The following GRIN2A variants were observed in gnomAD, a reference collection of about 807,000 sequenced individuals.
GRIN2A encodes glutamate ionotropic receptor NMDA type subunit 2A.
A neutral mutation model predicts 113.4 loss-of-function variants in GRIN2A; 22 were observed. That is an observed-to-expected ratio of 0.19 (90% confidence interval 0.14 to 0.28). The LOEUF (loss-of-function observed/expected upper bound fraction) is 0.28, where lower values mean the gene tolerates loss of function less well. Among genes scored for constraint, GRIN2A ranks in the 10% least tolerant of loss-of-function variants. GRIN2A has a pLI of 1.00. For synonymous variants in GRIN2A, 827 were observed against 738.4 expected, an observed-to-expected ratio of 1.12 and a Z score of -1.94; for missense variants, 1,502 against 1,887.0, an observed-to-expected ratio of 0.80 and a Z score of 3.78.
intron 10 of GRIN2A, among the ~76,000 whole-genome samples, chr16:9,814,738 G>C (rs1259403583): frequency 6.6e-6 from 1 of 152,118 alleles, no homozygotes; most frequent in Non-Finnish European, 1.5e-5. Flanking sequence ...GTACCTTCTT[G>C]GCCGGGTGCG....
At chr16:9,960,176 C>A (rs576341818) in intron 2 of GRIN2A, among the ~76,000 whole-genome samples, 1 of 152,208 alleles carries the variant, frequency 6.6e-6, no homozygotes, top group East Asian at 1.9e-4. Context: ...TCAACAATGT[C>A]CCATAGTAGG....
intron 2 of GRIN2A, among the ~76,000 whole-genome samples, chr16:10,130,180 T>A (rs1004545449): frequency 6.6e-6 from 1 of 152,164 alleles, no homozygotes; most frequent in Admixed American, 6.5e-5. Flanking sequence ...TGGGAAATGA[T>A]AGAGGCAGAC....
chr16:9,769,979 C>A (rs1435706975), intron 11 of GRIN2A, among the ~76,000 whole-genome samples: 1 of 152,120 alleles, frequency 6.6e-6, no homozygotes, highest in African/African-American at 2.4e-5. Flanking sequence ...CTAAACTATA[C>A]CCACCCCCCA....
intron 2 of GRIN2A, among the ~76,000 whole-genome samples, chr16:10,163,916 AT>A (rs759110926): frequency 3.2e-4 from 49 of 152,142 alleles, no homozygotes; most frequent in Admixed American, 7.2e-4. Context: ...GGTGGGAAAA[AT>A]TTTGGTTATA....
intron 4 of GRIN2A, among the ~76,000 whole-genome samples, chr16:9,861,919 G>A (rs142540339): frequency 2.6e-4 from 39 of 152,304 alleles, no homozygotes; most frequent in African/African-American, 9.4e-4. Flanking sequence ...TGCAACGATT[G>A]GAGGTGGTGG....
At chr16:10,096,934 C>T (rs557760840) in intron 2 of GRIN2A, among the ~76,000 whole-genome samples, 2 of 152,142 alleles carry the variant, frequency 1.3e-5, no homozygotes, top group Non-Finnish European at 2.9e-5. Flanking sequence ...AGACCAGATC[C>T]CTTTCCCAGG....
At chr16:9,800,743 C>T (rs983530937) in intron 10 of GRIN2A, among the ~76,000 whole-genome samples, 1 of 152,022 alleles carries the variant, frequency 6.6e-6, no homozygotes, top group African/African-American at 2.4e-5. Flanking sequence ...TCAGATCAAG[C>T]AGCAGCAGAA....
At chr16:9,951,650 A>G (rs1038965966) in intron 2 of GRIN2A, among the ~76,000 whole-genome samples, 1 of 152,236 alleles carries the variant, frequency 6.6e-6, no homozygotes, top group Admixed American at 6.5e-5. Flanking sequence ...GGGGTGGAAA[A>G]GGGAGAGATT....
chr16:9,940,573 T>C (rs1244213122), intron 2 of GRIN2A, among the ~76,000 whole-genome samples: 3 of 152,182 alleles, frequency 2.0e-5, no homozygotes, highest in African/African-American at 7.2e-5. Context: ...CACCCATAAG[T>C]GGATGACAAG....
chr16:9,785,946 C>T (rs1229756277), intron 11 of GRIN2A, among the ~76,000 whole-genome samples: 1 of 152,096 alleles, frequency 6.6e-6, no homozygotes, highest in Middle Eastern at 3.2e-3. Flanking sequence ...TTTGTTGAAT[C>T]GATGACTAGA....
intron 11 of GRIN2A, among the ~76,000 whole-genome samples, chr16:9,771,721 G>C (rs1458945712): frequency 6.6e-6 from 1 of 152,070 alleles, no homozygotes; most frequent in Non-Finnish European, 1.5e-5. Context: ...AGAACACTAG[G>C]CTACAGAAAC....
intron 2 of GRIN2A, among the ~76,000 whole-genome samples, chr16:10,150,189 T>C (rs563583649): frequency 6.6e-6 from 1 of 152,348 alleles, no homozygotes; most frequent in South Asian, 2.1e-4. Context: ...TCACTACTTA[T>C]GGAGAAACCT....
At chr16:10,094,857 G>C in intron 2 of GRIN2A, among the ~76,000 whole-genome samples, 1 of 122,792 alleles carries the variant, frequency 8.1e-6, no homozygotes, top group East Asian at 2.3e-4. Context: ...GCATCTTATT[G>C]TTCCAGAAAG....
intron 2 of GRIN2A, among the ~76,000 whole-genome samples, chr16:10,135,927 T>C (rs1233523488): frequency 6.6e-6 from 1 of 152,154 alleles, no homozygotes; most frequent in Non-Finnish European, 1.5e-5. Context: ...TGTAGCCCCA[T>C]CCAAGTTGAC....
chr16:9,960,596 G>A (rs1222082247), intron 2 of GRIN2A, among the ~76,000 whole-genome samples: 1 of 152,084 alleles, frequency 6.6e-6, no homozygotes, highest in Non-Finnish European at 1.5e-5. Context: ...TTCCTAACGT[G>A]TAATTTTTCT....
In GRIN2A at chr16:9,754,914, CCAAAGA is replaced by C. The variant is rs1363247359; in HGVS notation, c.*8229_*8234del. On this transcript the variant is annotated 3_prime_UTR_variant, in exon 13 of 13. Coordinates refer to ENST00000330684, the MANE Select transcript of GRIN2A (RefSeq NM_001134407.3). Reference sequence around the variant, plus strand: ...AGATCAATGGGAAGCATTTAAAATGCCAAAGACAAACTCATGTTTGCTGGAGAACAA... The same window carrying C: ...AGATCAATGGGAAGCATTTAAAATGCCAAACTCATGTTTGCTGGAGAACAA... The C allele has an allele frequency of 4.5e-6, 1 of 221,310 alleles. No homozygotes were observed. Among genetic ancestry groups the C allele is most frequent in the Non-Finnish European group, 9.0e-6 (1 of 110,644 alleles). The allele number at this position is 221,310 out of a possible 1,614,324, so 13.7% of individuals were successfully genotyped here. A position where few individuals can be genotyped will look rare whatever the true frequency, so the allele number is the denominator to read the frequency against.
chr16:9,789,569 C>A (rs112739963), intron 11 of GRIN2A, among the ~76,000 whole-genome samples: 1 of 61,132 alleles, frequency 1.6e-5, no homozygotes, highest in Non-Finnish European at 3.2e-5. Flanking sequence ...CACACACACA[C>A]ACACACACAC....
chr16:9,779,649 A>G (rs1901824251), intron 11 of GRIN2A, among the ~76,000 whole-genome samples: 1 of 152,208 alleles, frequency 6.6e-6, no homozygotes, highest in Non-Finnish European at 1.5e-5. Context: ...TAACTAAAGC[A>G]GAAGGAAGAC....
rs772104446 is a variant in GRIN2A, at chr16:9,764,022, A to T, written c.3522T>A (p.Asn1174Lys). Residue 1174 changes from asparagine to lysine, a missense_variant, in exon 13 of 13, where the codon AAT (asparagine) becomes AAA (lysine). By Grantham distance (94) the Asn-to-Lys change is moderately conservative. This residue lies in a region of GRIN2A where 832 missense variants were observed against 789.7 expected (regional missense o/e 1.05). Coordinates refer to ENST00000330684, the MANE Select transcript of GRIN2A (RefSeq NM_001134407.3). ...TLPMNRNPLH[N>K]EEGLSNNDQY... Reference sequence around the variant, plus strand: ...GGTCGTTGTTGGAAAGCCCCTCTTCATTATGCAAGGGGTTCCGGTTCATTG... The same window carrying T: ...GGTCGTTGTTGGAAAGCCCCTCTTCTTTATGCAAGGGGTTCCGGTTCATTG... 2 of 1,613,922 alleles carry T rather than the reference A, an allele frequency of 1.2e-6. No homozygotes were observed. The highest frequency in any genetic ancestry group is 8.5e-7 in the Non-Finnish European group (1 of 1,179,988).
Sources: gnomAD v4.1 joint callset for allele counts (sites outside exome capture counted in the v4.1 genomes callset) on GRCh38, gnomAD v4.1.1 for gene constraint, gnomAD v4.1.1 regional missense constraint, MANE v1.5 for transcripts, NCBI Gene and HGNC (gene_info 2026-07-23, HGNC 2026-07-21) for gene names.